The following CPSF3 variants were observed in gnomAD, a reference collection of about 807,000 sequenced individuals.
CPSF3 encodes cleavage and polyadenylation specific factor 3, also known as cleavage and polyadenylation specificity factor subunit 3.
A neutral mutation model predicts 84.1 loss-of-function variants in CPSF3; 57 were observed. The observed-to-expected ratio is 0.68, with a 90% CI of 0.55 to 0.85. CPSF3 has a LOEUF of 0.85. CPSF3 is among the 40% of genes least tolerant of loss of function. The pLI is 0.00. For synonymous variants in CPSF3, 275 were observed against 278.1 expected, an observed-to-expected ratio of 0.99 and a Z score of 0.11; for missense variants, 522 against 838.8, an observed-to-expected ratio of 0.62 and a Z score of 4.66.
intron 16 of CPSF3, among the ~76,000 whole-genome samples, chr2:9,468,359 TG>T: frequency 6.6e-6 from 1 of 152,274 alleles, no homozygotes; most frequent in East Asian, 1.9e-4. Flanking sequence ...CCCAAGTAGC[TG>T]GGATCACAGG....
intron 6 of CPSF3, among the ~76,000 whole-genome samples, chr2:9,435,776 A>T (rs1468125532): frequency 6.7e-6 from 1 of 148,236 alleles, no homozygotes; most frequent in Non-Finnish European, 1.5e-5. Flanking sequence ...TCTGTCGCCC[A>T]GGCTGGAGTG....
intron 16 of CPSF3, 29 bp from the exon 17 acceptor site, chr2:9,471,314 A>G (rs1682154283): frequency 7.3e-7 from 1 of 1,369,096 alleles, no homozygotes; most frequent in African/African-American, 1.4e-5. Flanking sequence ...GGGCATTTTC[A>G]CTAATCCTGC....
At chr2:9,440,349 G>A (rs912021451) in intron 7 of CPSF3, 142 bp from the exon 8 acceptor site, 2 of 696,492 alleles carry the variant, frequency 2.9e-6, no homozygotes, top group African/African-American at 3.6e-5. Flanking sequence ...GGATAATTTT[G>A]CTTAAACTCT....
rs778077858 is a variant in CPSF3 at position 9,459,594 on chromosome 2, C to G, written c.1762C>G (p.Gln588Glu). The change falls in exon 15 of 18, where the codon CAG becomes GAG. Residue 588 changes from glutamine to glutamate, a missense_variant. By Grantham distance (29) the Gln-to-Glu change is conservative (BLOSUM62 2). Coordinates refer to ENST00000238112, the MANE Select transcript of CPSF3 (RefSeq NM_016207.4). ...AGTAACAACTGTGATATTGGAAGTT[C>G]AGTCAAATCCCAAAATAAGAAAAGG... Reference protein sequence around the residue: ...DTVTTVILEVQSNPKIRKGAV... With the variant: ...DTVTTVILEVESNPKIRKGAV... 7.2e-7 allele frequency: 1 copy of G among 1,389,478 alleles called. No homozygotes were observed. Among genetic ancestry groups the G allele is most frequent in the Non-Finnish European group, 9.9e-7 (1 of 1,013,676 alleles). The allele number at this position is 1,389,478 out of a possible 1,614,324, so 86.1% of individuals were successfully genotyped here. A position where few individuals can be genotyped will look rare whatever the true frequency, so the allele number is the denominator to read the frequency against.
chr2:9,459,761 T>G, intron 15 of CPSF3, 143 bp downstream of exon 15: 1 of 509,504 alleles, frequency 2.0e-6, no homozygotes. Flanking sequence ...GCAATTCTCC[T>G]GCCTCAGCCT....
chr2:9,446,182 G>C (rs1465156490), intron 10 of CPSF3, among the ~76,000 whole-genome samples: 1 of 152,206 alleles, frequency 6.6e-6, no homozygotes, highest in Non-Finnish European at 1.5e-5. Context: ...TATCTTGGCC[G>C]GGCTGCAGTC....
intron 1 of CPSF3, chr2:9,424,848 TTGAAGTCAGACC>T (rs1248599546): frequency 6.6e-6 from 1 of 152,190 alleles, no homozygotes; most frequent in African/African-American, 2.4e-5. Flanking sequence ...GACTATTACT[TTGAAGTCAGACC>T]TGAAGTCCAT....
rs1681853708 is a variant in CPSF3, at chr2:9,465,005, G to A, written c.1787-2702G>A. Among the ~76,000 whole-genome samples, 3 of 152,246 alleles carry A rather than the reference G, an allele frequency of 2.0e-5. No homozygotes were observed. The South Asian group carries it at 6.2e-4, about 32-fold the overall frequency. On this transcript the variant is annotated intron_variant, in intron 15 of 17. Transcript: ENST00000238112. ...GCCTCCCAAAGTGCTGGGATTACAGGCGAGTAGTTAGTTGTATATACAATT... is the reference window on the plus strand; with the variant it reads ...GCCTCCCAAAGTGCTGGGATTACAGACGAGTAGTTAGTTGTATATACAATT...
At chr2:9,445,175 A>G (rs971638651) in intron 10 of CPSF3, among the ~76,000 whole-genome samples, 2 of 152,088 alleles carry the variant, frequency 1.3e-5, no homozygotes, top group African/African-American at 4.8e-5. Context: ...CCTTCCGCCA[A>G]CCCTGGTAAT....
At chr2:9,446,520 G>T (rs1197009096) in intron 10 of CPSF3, among the ~76,000 whole-genome samples, 1 of 149,878 alleles carries the variant, frequency 6.7e-6, no homozygotes, top group African/African-American at 2.5e-5. Flanking sequence ...GGCGGAGCTT[G>T]CAGTGAGCCG....
chr2:9,430,059 C>A, intron 3 of CPSF3, 39 bp downstream of exon 3: 1 of 1,161,382 alleles, frequency 8.6e-7, no homozygotes, highest in Non-Finnish European at 1.2e-6. Flanking sequence ...TTTTCACGGA[C>A]TTTTACTATC....
chr2:9,470,788 T>G (rs1293524542), intron 16 of CPSF3, among the ~76,000 whole-genome samples: 1 of 152,226 alleles, frequency 6.6e-6, no homozygotes, highest in African/African-American at 2.4e-5. Flanking sequence ...ACTAAAATTA[T>G]AGGTTAAGAT....
At chr2:9,430,926 A>G (rs1396906637) in intron 4 of CPSF3, 46 bp downstream of exon 4, 1 of 1,467,402 alleles carries the variant, frequency 6.8e-7, no homozygotes, top group African/African-American at 1.4e-5. Context: ...TCTATATGGC[A>G]TGTATGGTTC....
chr2:9,437,554 C>G (rs1412315558), intron 7 of CPSF3, among the ~76,000 whole-genome samples: 3 of 152,188 alleles, frequency 2.0e-5, no homozygotes, highest in Non-Finnish European at 2.9e-5. Flanking sequence ...CTCCATTTTA[C>G]AAGTACTTCA....
chr2:9,436,423 A>G, intron 7 of CPSF3, 62 bp downstream of exon 7: 1 of 1,531,862 alleles, frequency 6.5e-7, no homozygotes, highest in South Asian at 1.2e-5. Context: ...CAAGATAATA[A>G]TGTGGTCTTG....
rs924794992 is a variant in CPSF3, at chr2:9,432,520, A to G, written c.351A>G (p.Ser117=). 3.3e-6 allele frequency: 5 copies of G among 1,507,672 alleles called. No homozygotes were observed. Among genetic ancestry groups the G allele is most frequent in the Non-Finnish European group, 4.5e-6 (5 of 1,109,324 alleles). The allele number at this position is 1,507,672 out of a possible 1,614,324, so 93.4% of individuals were successfully genotyped here. ...LSDYVKVSNI[S]ADDMLYTETD... is the part of the protein sequence containing the mutation. ...ATCTTTCAAAATTTAGTAACATATC[A>G]GCAGACGACATGCTGTATACCGAGA... is the stretch of plus-strand genomic sequence containing the variant. The change falls in exon 5 of 18, where the codon TCA becomes TCG. Residue 117 remains serine, a synonymous_variant. Coordinates refer to ENST00000238112, the MANE Select transcript of CPSF3 (RefSeq NM_016207.4).
At chr2:9,442,099 A>G in intron 9 of CPSF3, 123 bp downstream of exon 9, 1 of 994,344 alleles carries the variant, frequency 1.0e-6, no homozygotes. Context: ...TTTAAAAATG[A>G]GGACGGGAAT....
intron 11 of CPSF3, among the ~76,000 whole-genome samples, chr2:9,450,234 C>T (rs918018500): frequency 6.6e-6 from 1 of 151,344 alleles, no homozygotes; most frequent in Non-Finnish European, 1.5e-5. Context: ...TCACTGCAAC[C>T]TCCGCCTCCC....
At position 9,423,780 on chromosome 2, in the gene CPSF3, G is replaced by A; in HGVS notation, c.7G>A (p.Ala3Thr). 5.6e-6 allele frequency: 9 copies of A among 1,613,648 alleles called. No homozygotes were observed. Among genetic ancestry groups the A allele is most frequent in the Non-Finnish European group, 7.6e-6 (9 of 1,179,840 alleles). MSAIPAEESDQLL... is the reference protein window; with the variant it reads MSTIPAEESDQLL... The stretch of plus-strand genomic sequence containing the variant: ...TCGCCCTCACACTTTCGGGATGTCT[G>A]CGATTCCTGCTGAGGAGAGCGACCA... Residue 3 changes from alanine to threonine, a missense_variant, in exon 1 of 18, where the codon GCG becomes ACG. By Grantham distance (58) the Ala-to-Thr change is moderately conservative (BLOSUM62 0). Around this residue, in one of 2 missense-constraint regions of CPSF3, gnomAD observed 329 missense variants for 607.2 expected, o/e 0.54. Transcript: ENST00000238112.
Sources: allele counts gnomAD v4.1 joint callset (sites outside exome capture counted in the v4.1 genomes callset), GRCh38; gene constraint gnomAD v4.1.1; regional missense constraint gnomAD v4.1.1; transcripts MANE v1.5; gene names NCBI Gene and HGNC (gene_info 2026-07-23, HGNC 2026-07-21).